Variants in RBFOX1 observed in about 807,000 individuals in gnomAD.
RBFOX1 encodes the protein RNA binding protein fox-1 homolog 1.
In RBFOX1, 8 loss-of-function variants were observed where a neutral mutation model predicts 57.7. The ratio of observed to expected loss-of-function variants is 0.14; its 90% CI spans 0.08 to 0.25. The LOEUF (loss-of-function observed/expected upper bound fraction) is 0.25. Among genes scored for constraint, RBFOX1 ranks in the 10% least tolerant of loss-of-function variants. The pLI, the probability that RBFOX1 is intolerant of heterozygous loss-of-function variation, is 1.00. For missense variants in RBFOX1, 611 were observed against 548.5 expected (o/e 1.11, Z -1.14); for synonymous variants, 326 against 222.4 (o/e 1.47, Z -4.15).
chr16:6,555,874 A>C (rs750360821), intron 2 of RBFOX1, among the ~76,000 whole-genome samples: 2 of 152,172 alleles, frequency 1.3e-5, no homozygotes, highest in Admixed American at 6.5e-5. Flanking sequence ...TCTGGTTATT[A>C]GTCAATTCTC....
At chr16:5,248,579 G>C (rs2062362896) in intron 1 of RBFOX1, among the ~76,000 whole-genome samples, 1 of 152,238 alleles carries the variant, frequency 6.6e-6, no homozygotes, top group African/African-American at 2.4e-5. Flanking sequence ...AGAGCCCCGG[G>C]GCAGGAGCCA....
In RBFOX1 at chr16:7,190,252, G is replaced by A. The variant is rs571009906; in HGVS notation, c.27+138154G>A. Among the ~76,000 whole-genome samples the A allele has an allele frequency of 8.5e-5, 13 of 152,146 alleles. No homozygotes were observed. The South Asian group carries it at 1.5e-3, about 17-fold the overall frequency. On this transcript the variant is annotated intron_variant, in intron 4 of 15. Coordinates refer to ENST00000550418, the MANE Select transcript of RBFOX1 (RefSeq NM_018723.4). ...GGCACACCTGTAATCCCAGCGACTCGGGAGGCTGAGGCAGGAGAATCACTT... is the reference window on the plus strand; with the variant it reads ...GGCACACCTGTAATCCCAGCGACTCAGGAGGCTGAGGCAGGAGAATCACTT...
intron 4 of RBFOX1, among the ~76,000 whole-genome samples, chr16:5,942,922 C>G (rs911761714): frequency 1.3e-5 from 2 of 152,196 alleles, no homozygotes; most frequent in Non-Finnish European, 2.9e-5. Flanking sequence ...TGCAATGTCC[C>G]TGTCTGGTGC....
chr16:7,641,606 T>C (rs1420100289), intron 11 of RBFOX1, among the ~76,000 whole-genome samples: 1 of 152,222 alleles, frequency 6.6e-6, no homozygotes, highest in African/African-American at 2.4e-5. Context: ...TTATTATCCC[T>C]ACCCTTACTA....
In RBFOX1 at chr16:6,000,580, C is replaced by G. The variant is rs149178440; in HGVS notation, c.351+133245C>G. Among the ~76,000 whole-genome samples, 1,021 of 152,140 alleles carry G rather than the reference C, an allele frequency of 6.7e-3. 12 individuals are homozygous for G. Among genetic ancestry groups the G allele is most frequent in the Admixed American group, 0.011 (166 of 15,288 alleles). ...GCTGAATATTGTATAACTAGCCAGC[C>G]TCTAGAACAGTGCCAGGAAATAGAA... is the stretch of plus-strand genomic sequence containing the variant. On this transcript the variant is annotated intron_variant, in intron 4 of 19. Coordinates refer to the RBFOX1 transcript ENST00000641259.
intron 2 of RBFOX1, among the ~76,000 whole-genome samples, chr16:6,641,248 C>G (rs148750154): frequency 5.0e-4 from 76 of 152,316 alleles, no homozygotes; most frequent in African/African-American, 1.8e-3. Flanking sequence ...TTCCCCAGCC[C>G]TCACATTCCT....
rs2085523835 is a variant in RBFOX1 at position 7,192,064 on chromosome 16, T to C, written c.27+139966T>C. ...TTTTAATCTATTGATGCCCTGTCTG[T>C]AGAATTCTACGAGCTGTTTTCAAAA... On this transcript the variant is annotated intron_variant, in intron 4 of 15. Transcript: ENST00000550418. Among the ~76,000 whole-genome samples the C allele has an allele frequency of 3.9e-5, 6 of 152,062 alleles. No homozygotes were observed. In the South Asian group the frequency reaches 1.2e-3, roughly 31 times the overall value.
intron 2 of RBFOX1, among the ~76,000 whole-genome samples, chr16:6,562,872 C>A (rs1223693956): frequency 2.0e-5 from 1 of 49,268 alleles, no homozygotes; most frequent in Non-Finnish European, 3.4e-5. Flanking sequence ...TTCTTTCTTT[C>A]TTTCTTTCTT....
At chr16:7,533,252 T>A (rs1033993418) in intron 5 of RBFOX1, among the ~76,000 whole-genome samples, 7 of 152,224 alleles carry the variant, frequency 4.6e-5, no homozygotes, top group African/African-American at 1.7e-4. Context: ...ATTTTAAAAA[T>A]TCTTTCCATC....
intron 1 of RBFOX1, among the ~76,000 whole-genome samples, chr16:5,446,152 C>T (rs1276889441): frequency 6.6e-6 from 1 of 152,122 alleles, no homozygotes; most frequent in African/African-American, 2.4e-5. Context: ...ATGGAAGTAA[C>T]AATTCCAGCT....
intron 3 of RBFOX1, among the ~76,000 whole-genome samples, chr16:6,969,577 A>T (rs888123749): frequency 3.3e-5 from 5 of 150,818 alleles, no homozygotes; most frequent in African/African-American, 1.2e-4. Context: ...TCTACAAAAA[A>T]TAAAAATAAA....
chr16:5,703,047 G>T (rs1181056632), intron 3 of RBFOX1, among the ~76,000 whole-genome samples: 2 of 152,154 alleles, frequency 1.3e-5, no homozygotes, highest in African/African-American at 4.8e-5. Context: ...AATATGTCCT[G>T]TGTGCTGGAG....
intron 3 of RBFOX1, among the ~76,000 whole-genome samples, chr16:6,895,601 A>G (rs2066696498): frequency 6.6e-6 from 1 of 151,354 alleles, no homozygotes; most frequent in Non-Finnish European, 1.5e-5. Flanking sequence ...TAAAGGAGGA[A>G]GTGGAGGAGA....
At chr16:6,989,751 G>C (rs913540078) in intron 3 of RBFOX1, among the ~76,000 whole-genome samples, 5 of 152,142 alleles carry the variant, frequency 3.3e-5, no homozygotes, top group Non-Finnish European at 7.4e-5. Context: ...TGTAATTCCA[G>C]CACTTTGGGA....
intron 2 of RBFOX1, among the ~76,000 whole-genome samples, chr16:6,562,880 C>CTTTCTTTCTTTCTTTCTTTT (rs746999419): frequency 7.7e-5 from 4 of 51,772 alleles, no homozygotes; most frequent in South Asian, 1.3e-3. Flanking sequence ...TTCTTTCTTT[C>CTTTCTTTCTTTCTTTCTTTT]TTTTTTTTTT....
At chr16:5,636,199 TTAGC>T (rs1193416422) in intron 3 of RBFOX1, among the ~76,000 whole-genome samples, 1 of 152,030 alleles carries the variant, frequency 6.6e-6, no homozygotes, top group Non-Finnish European at 1.5e-5. Flanking sequence ...AATACAAAAA[TTAGC>T]TGGGTATGGT....
intron 4 of RBFOX1, among the ~76,000 whole-genome samples, chr16:7,114,690 G>C (rs1233229187): frequency 1.3e-5 from 2 of 152,212 alleles, no homozygotes; most frequent in African/African-American, 4.8e-5. Context: ...CTGGAAATGA[G>C]AGTCCTTGTG....
rs549269417 is a variant in RBFOX1 at position 6,836,256 on chromosome 16, C to G, written c.-16+181606C>G. On this transcript the variant is annotated intron_variant, in intron 3 of 15. Coordinates refer to ENST00000550418, the MANE Select transcript of RBFOX1 (RefSeq NM_018723.4). ...CTAACAGTCCTAACTTCCCATCTGG[C>G]TTCTTAAAATCTGTTTTACAAGCAA... Among the ~76,000 whole-genome samples the G allele has an allele frequency of 2.0e-5, 3 of 152,294 alleles. No individual in the cohort carries two copies. In the East Asian group the frequency reaches 5.8e-4, roughly 29 times the overall value.
chr16:7,180,321 G>A lies in RBFOX1; in HGVS notation c.27+128223G>A, dbSNP rs531500244. 3.9e-5 allele frequency among the ~76,000 whole-genome samples: 6 copies of A among 152,100 alleles called. No homozygotes were observed. The South Asian group carries it at 6.2e-4, about 16-fold the overall frequency. Reference sequence around the variant, plus strand: ...TATAATTATTCCCATTTTTCAGATAGAAAACTGAGGCTAAGAGAAGTTCAG... The same window carrying A: ...TATAATTATTCCCATTTTTCAGATAAAAAACTGAGGCTAAGAGAAGTTCAG... On this transcript the variant is annotated intron_variant, in intron 4 of 15. Coordinates refer to ENST00000550418, the MANE Select transcript of RBFOX1 (RefSeq NM_018723.4).
Sources: allele counts gnomAD v4.1 joint callset (sites outside exome capture counted in the v4.1 genomes callset), GRCh38; gene constraint gnomAD v4.1.1; transcripts MANE v1.5; gene names NCBI Gene and HGNC (gene_info 2026-07-23, HGNC 2026-07-21).